Variants in ERI3 observed in about 807,000 individuals in gnomAD.
ERI3 encodes the protein ERI1 exoribonuclease 3.
Under a neutral mutation model 44.4 loss-of-function variants are expected in ERI3, and 18 were observed. The observed-to-expected ratio is 0.41, with a 90% CI of 0.28 to 0.60. The LOEUF (loss-of-function observed/expected upper bound fraction) is 0.60, where lower values mean the gene tolerates loss of function less well. Ranked by LOEUF, ERI3 falls within the 20% of genes least tolerant of loss-of-function variation. The pLI, the probability that ERI3 is intolerant of heterozygous loss-of-function variation, is 0.36. For synonymous variants in ERI3, 183 were observed against 164.8 expected (o/e 1.11, Z -0.84); for missense variants, 294 against 435.5 (o/e 0.68, Z 2.89).
At chr1:44,289,499 T>C (rs748385630) in intron 6 of ERI3, among the ~76,000 whole-genome samples, 14 of 152,172 alleles carry the variant, frequency 9.2e-5, no homozygotes, top group Admixed American at 2.0e-4. Context: ...ATTACTCCTT[T>C]TGAATAACAG....
In ERI3 at chr1:44,223,198, G is replaced by A. The variant is rs147204134; in HGVS notation, c.932-1558C>T. ...GAAAGACAGATGGGTGGGTAGTGGC[G>A]ACCATGGCAACTCCAGACGTGACCC... On this transcript the variant is annotated intron_variant, in intron 8 of 8. Transcript: ENST00000372257. 3.8e-3 allele frequency among the ~76,000 whole-genome samples: 574 copies of A among 152,302 alleles called. 4 individuals carry two copies. Among genetic ancestry groups the A allele is most frequent in the African/African-American group, 0.013 (556 of 41,552 alleles).
chr1:44,335,238 T>C (rs537824380), intron 3 of ERI3, among the ~76,000 whole-genome samples: 17 of 151,938 alleles, frequency 1.1e-4, no homozygotes, highest in Middle Eastern at 3.4e-3. Context: ...AGCTACTTGG[T>C]AGGCTAAGAT....
chr1:44,259,689 G>GACACACACAGACACACAC (rs1644849043), intron 7 of ERI3, among the ~76,000 whole-genome samples: 2 of 140,384 alleles, frequency 1.4e-5, no homozygotes, highest in African/African-American at 5.5e-5. Context: ...AAAACACACA[G>GACACACACAGACACACAC]ACACACACAC....
At chr1:44,291,509 G>A (rs1382789993) in intron 6 of ERI3, among the ~76,000 whole-genome samples, 1 of 152,174 alleles carries the variant, frequency 6.6e-6, no homozygotes, top group East Asian at 1.9e-4. Context: ...GGCCTTATTT[G>A]TAAAGCATGT....
At chr1:44,247,308 T>A (rs1644575066) in intron 8 of ERI3, among the ~76,000 whole-genome samples, 1 of 151,864 alleles carries the variant, frequency 6.6e-6, no homozygotes, top group South Asian at 2.1e-4. Context: ...TAACAAAACC[T>A]CCAACTGCCT....
At chr1:44,344,722 C>T (rs1646750630) in intron 2 of ERI3, among the ~76,000 whole-genome samples, 1 of 152,186 alleles carries the variant, frequency 6.6e-6, no homozygotes, top group African/African-American at 2.4e-5. Flanking sequence ...TATGATTCTG[C>T]CTATTTCTGC....
chr1:44,315,007 A>C (rs1200140012), intron 4 of ERI3, among the ~76,000 whole-genome samples: 1 of 152,196 alleles, frequency 6.6e-6, no homozygotes, highest in African/African-American at 2.4e-5. Context: ...GATTAGTGAC[A>C]GACACCCACA....
At chr1:44,327,863 T>C (rs1024931425) in intron 3 of ERI3, among the ~76,000 whole-genome samples, 2 of 152,186 alleles carry the variant, frequency 1.3e-5, no homozygotes, top group Admixed American at 1.3e-4. Flanking sequence ...TTCAAACCAA[T>C]TCAAATATTG....
At chr1:44,237,121 G>A (rs1557773158) in intron 8 of ERI3, among the ~76,000 whole-genome samples, 1 of 152,148 alleles carries the variant, frequency 6.6e-6, no homozygotes, top group Admixed American at 6.5e-5. Flanking sequence ...GCATCCTGAA[G>A]GCTTAGGTGC....
intron 2 of ERI3, 41 bp downstream of exon 2, chr1:44,352,809 A>C: frequency 6.2e-7 from 1 of 1,613,008 alleles, no homozygotes; most frequent in Non-Finnish European, 8.5e-7. Context: ...AATACTCAGA[A>C]GAAAATAAAG....
At chr1:44,279,518 G>A (rs1371387374) in intron 7 of ERI3, among the ~76,000 whole-genome samples, 1 of 152,114 alleles carries the variant, frequency 6.6e-6, no homozygotes, top group Non-Finnish European at 1.5e-5. Flanking sequence ...AAGCCACCAT[G>A]CCTGGTCTTC....
At chr1:44,353,584 C>T (rs1196949160) in intron 1 of ERI3, 1 of 985,292 alleles carries the variant, frequency 1.0e-6, no homozygotes, top group Non-Finnish European at 1.2e-6. Context: ...TTAAGACTTT[C>T]TTCTACTCAG....
At chr1:44,223,383 AAG>A (rs1643950974) in intron 8 of ERI3, among the ~76,000 whole-genome samples, 1 of 152,082 alleles carries the variant, frequency 6.6e-6, no homozygotes, top group African/African-American at 2.4e-5. Context: ...GAAGGGGCCT[AAG>A]AGGGGGAAGG....
At chr1:44,354,552 A>C (rs1409368866) in intron 1 of ERI3, 2 of 985,290 alleles carry the variant, frequency 2.0e-6, no homozygotes, top group Non-Finnish European at 2.4e-6. Context: ...ATTTACAAAG[A>C]GGTAAACTGC....
chr1:44,281,601 A>ATATATATATAT (rs1553189559), intron 7 of ERI3, among the ~76,000 whole-genome samples: 79 of 127,982 alleles, frequency 6.2e-4, no homozygotes, highest in Non-Finnish European at 1.0e-3. Context: ...AAAAAAAAAA[A>ATATATATATAT]ATATATATAT....
chr1:44,354,755 C>T lies in ERI3; in HGVS notation c.135+137G>A, dbSNP rs1646963146. 2.4e-6 allele frequency: 3 copies of T among 1,254,072 alleles called. No homozygotes were observed. The South Asian group carries it at 1.2e-4, about 51-fold the overall frequency. The allele number at this position is 1,254,072 out of a possible 1,614,324, so 77.7% of individuals were successfully genotyped here. On this transcript the variant is annotated intron_variant, in intron 1 of 8. Coordinates refer to ENST00000372257, the MANE Select transcript of ERI3 (RefSeq NM_024066.3). ...CCGCTCCCCCTCCGCCAGAACATTA[C>T]TCAGTAGATTAAGTAAGCATCCAGG...
At chr1:44,316,151 T>G (rs767595187) in intron 4 of ERI3, among the ~76,000 whole-genome samples, 5 of 152,184 alleles carry the variant, frequency 3.3e-5, no homozygotes, top group Non-Finnish European at 7.3e-5. Context: ...TGTTACAGTT[T>G]AAGCCCAGTC....
intron 7 of ERI3, among the ~76,000 whole-genome samples, chr1:44,248,704 T>TGTGTGTGTGC (rs1644607268): frequency 7.0e-6 from 1 of 142,844 alleles, no homozygotes; most frequent in Admixed American, 6.9e-5. Flanking sequence ...TGAGAGAGAG[T>TGTGTGTGTGC]GTGTGTGTGT....
At chr1:44,345,185 A>C (rs147594290) in intron 2 of ERI3, among the ~76,000 whole-genome samples, 122 of 152,350 alleles carry the variant, frequency 8.0e-4, no homozygotes, top group Admixed American at 2.4e-3. Flanking sequence ...TCTTGGGTAA[A>C]TAGACATTTT....
Sources: gnomAD v4.1 joint callset for allele counts (sites outside exome capture counted in the v4.1 genomes callset) on GRCh38, gnomAD v4.1.1 for gene constraint, MANE v1.5 for transcripts, NCBI Gene and HGNC (gene_info 2026-07-23, HGNC 2026-07-21) for gene names.